PRKD3: variants seen among roughly 807,000 people sequenced by gnomAD.
The protein encoded by PRKD3 is serine/threonine-protein kinase D3.
Under a neutral mutation model 99.2 loss-of-function variants are expected in PRKD3, and 47 were observed. The ratio of observed to expected loss-of-function variants is 0.47; its 90% CI spans 0.38 to 0.60. The LOEUF (loss-of-function observed/expected upper bound fraction) is 0.60. Ranked by LOEUF, PRKD3 falls within the 20% of genes least tolerant of loss-of-function variation. The pLI is 0.00. For synonymous variants in PRKD3, 392 were observed against 355.4 expected (o/e 1.10, Z -1.16); for missense variants, 1,019 against 1,088.4 (o/e 0.94, Z 0.90).
At chr2:37,306,067 C>CTTT (rs543636647) in intron 2 of PRKD3, among the ~76,000 whole-genome samples, 21 of 141,778 alleles carry the variant, frequency 1.5e-4, no homozygotes, top group African/African-American at 4.2e-4. Flanking sequence ...TCCTTGGATT[C>CTTT]TTTTTTTTTT....
At chr2:37,274,780 A>G in intron 10 of PRKD3, 83 bp from the exon 11 acceptor site, 1 of 1,277,144 alleles carries the variant, frequency 7.8e-7, no homozygotes, top group Non-Finnish European at 1.1e-6. Flanking sequence ...AGAGATATGC[A>G]TTTCAATGAA....
chr2:37,304,067 C>T (rs1671052763), intron 2 of PRKD3, among the ~76,000 whole-genome samples: 1 of 151,830 alleles, frequency 6.6e-6, no homozygotes. Flanking sequence ...AATTTGATGC[C>T]AAATAAATCT....
At chr2:37,296,590 G>A (rs1247571030) in intron 2 of PRKD3, among the ~76,000 whole-genome samples, 4 of 152,004 alleles carry the variant, frequency 2.6e-5, no homozygotes, top group South Asian at 2.1e-4. Context: ...TGTTTGGTAG[G>A]GTATTTAGAA....
Position 37,256,823 on chromosome 2 carries a change from T to C in PRKD3, c.2252A>G (p.Lys751Arg), listed in dbSNP as rs746659572. The part of the protein sequence containing the change: ...AYLAPEVLRS[K>R]GYNRSLDMWS... ...CATATCTAGGGAACGGTTGTAACCT[T>C]TGCTCCGGAGAACTTCAGGGGCTAA... Residue 751 changes from lysine to arginine, a missense_variant, in exon 17 of 19, where the codon AAA (lysine) becomes AGA (arginine). Physicochemically the swap from Lys to Arg is conservative, Grantham distance 26. Transcript: ENST00000234179. The C allele has an allele frequency of 9.9e-6, 16 of 1,613,996 alleles. No individual in the cohort carries two copies. The highest frequency in any genetic ancestry group is 1.3e-5 in the African/African-American group (1 of 74,966).
chr2:37,289,704 A>G (rs549969214), intron 4 of PRKD3, among the ~76,000 whole-genome samples, 191 bp from the exon 5 acceptor site: 4 of 152,344 alleles, frequency 2.6e-5, no homozygotes, highest in Admixed American at 1.3e-4. Context: ...TGTAAAAAGG[A>G]TAAGTCAGCT....
intron 11 of PRKD3, among the ~76,000 whole-genome samples, chr2:37,272,852 G>A (rs1344002091): frequency 6.6e-6 from 1 of 152,034 alleles, no homozygotes; most frequent in Non-Finnish European, 1.5e-5. Flanking sequence ...GCATAGTGGT[G>A]TGCACCGGTA....
At chr2:37,259,821 G>A in intron 15 of PRKD3, 140 bp from the exon 16 acceptor site, 1 of 618,494 alleles carries the variant, frequency 1.6e-6, no homozygotes, top group South Asian at 2.2e-5. Flanking sequence ...GCTCCTTAAG[G>A]TTAACAATTC....
intron 9 of PRKD3, 36 bp from the exon 10 acceptor site, chr2:37,275,880 A>G: frequency 6.3e-7 from 1 of 1,587,958 alleles, no homozygotes; most frequent in Non-Finnish European, 8.5e-7. Flanking sequence ...TGAGGTTCAA[A>G]AATGATTCCT....
At chr2:37,305,860 A>G (rs912260411) in intron 2 of PRKD3, among the ~76,000 whole-genome samples, 1 of 152,164 alleles carries the variant, frequency 6.6e-6, no homozygotes, top group Non-Finnish European at 1.5e-5. Context: ...TGTGCCAGAC[A>G]CTACCTGGGG....
intron 2 of PRKD3, among the ~76,000 whole-genome samples, chr2:37,294,901 C>A (rs1027149374): frequency 6.6e-6 from 1 of 152,072 alleles, no homozygotes; most frequent in African/African-American, 2.4e-5. Context: ...ATGGTGAAAC[C>A]CTGTCTCTGA....
chr2:37,279,710 C>T, intron 8 of PRKD3, 36 bp downstream of exon 8: 3 of 1,530,920 alleles, frequency 2.0e-6, no homozygotes, highest in Non-Finnish European at 2.6e-6. Flanking sequence ...ACTGACCTTG[C>T]ATCTGGAAGT....
intron 11 of PRKD3, among the ~76,000 whole-genome samples, chr2:37,273,823 T>A (rs749783938): frequency 1.3e-5 from 2 of 152,250 alleles, no homozygotes; most frequent in Admixed American, 1.3e-4. Context: ...GACCTTTCGA[T>A]TGTTAACTGT....
intron 2 of PRKD3, among the ~76,000 whole-genome samples, chr2:37,305,209 C>T (rs570755108): frequency 8.5e-5 from 13 of 152,208 alleles, no homozygotes; most frequent in East Asian, 3.9e-4. Flanking sequence ...ATACCCAATC[C>T]GTATCTACAG....
chr2:37,261,651 A>G (rs1014113948), intron 14 of PRKD3, among the ~76,000 whole-genome samples: 8 of 144,486 alleles, frequency 5.5e-5, no homozygotes, highest in Non-Finnish European at 1.1e-4. Context: ...GTGGTGGCGC[A>G]AGCCTGTAAT....
intron 2 of PRKD3, among the ~76,000 whole-genome samples, chr2:37,313,782 C>T (rs959364186): frequency 6.6e-6 from 1 of 152,320 alleles, no homozygotes; most frequent in South Asian, 2.1e-4. Context: ...AAGGGATACA[C>T]GTTCAGGGAG....
rs567726195 is a variant in PRKD3 at position 37,316,871 on chromosome 2, C to T, written c.-347G>A. 1 of 1,039,924 alleles carries T rather than the reference C, an allele frequency of 9.6e-7. No homozygotes were observed. The highest frequency in any genetic ancestry group is 1.7e-5 in the African/African-American group (1 of 58,704). 64.4% of individuals were successfully genotyped at this position (1,039,924 alleles called of 1,614,324 possible). On this transcript the variant is annotated 5_prime_UTR_variant, in exon 2 of 19. Coordinates refer to ENST00000234179, the MANE Select transcript of PRKD3 (RefSeq NM_005813.6). ...TATTTTCCTTTCAGTCTGTACTTGT[C>T]TCTTTAATTTCAGGAAATACATATT...
At chr2:37,254,177 C>G in intron 18 of PRKD3, 27 bp downstream of exon 18, 1 of 1,541,628 alleles carries the variant, frequency 6.5e-7, no homozygotes, top group Non-Finnish European at 9.0e-7. Context: ...ATGAGGATTG[C>G]CAAAGAGAGA....
In PRKD3 at chr2:37,274,427, C is replaced by G. The variant is rs751159654; in HGVS notation, c.1645G>C (p.Asp549His). The G allele has an allele frequency of 1.2e-6, 2 of 1,614,064 alleles. No individual in the cohort carries two copies. The highest frequency in any genetic ancestry group is 2.7e-5 in the African/African-American group (2 of 75,042). ...CAAGAAGTTTATTGCTTACTGTGAT[C>G]TTTCCCTTGCCCTGGAGAAGTGCAA... Reference protein sequence around the residue: ...SVCTSPGQGKDHKDLSTSISV... With the variant: ...SVCTSPGQGKHHKDLSTSISV... Residue 549 changes from aspartate to histidine, a missense_variant, in exon 11 of 19, where the codon GAT becomes CAT. This residue lies in a region of PRKD3 where 710 missense variants were observed against 692.7 expected (regional missense o/e 1.02). Coordinates refer to ENST00000234179, the MANE Select transcript of PRKD3 (RefSeq NM_005813.6).
At chr2:37,254,409 A>C (rs1667769806) in intron 17 of PRKD3, 120 bp from the exon 18 acceptor site, 1 of 693,524 alleles carries the variant, frequency 1.4e-6, no homozygotes, top group Non-Finnish European at 2.6e-6. Context: ...TTTGCTTCTC[A>C]AGGACGTGGA....
Sources: gnomAD v4.1 joint callset for allele counts (sites outside exome capture counted in the v4.1 genomes callset) on GRCh38, gnomAD v4.1.1 for gene constraint, gnomAD v4.1.1 regional missense constraint, MANE v1.5 for transcripts, NCBI Gene and HGNC (gene_info 2026-07-23, HGNC 2026-07-21) for gene names.